MNAT1: variants seen among roughly 807,000 people sequenced by gnomAD.
MNAT1 encodes the protein MNAT1 component of CDK activating kinase.
MNAT1 carries 43 observed loss-of-function variants against 42.0 expected under a neutral mutation model. That is an observed-to-expected ratio of 1.02 (90% CI 0.80 to 1.32). MNAT1 has a LOEUF of 1.32. Ranked by LOEUF, MNAT1 falls within the 40% of genes most tolerant of loss-of-function variation. The probability of loss-of-function intolerance (pLI) is 0.00; values close to 1 mark genes in which losing one functional copy is unlikely to be tolerated. For missense variants in MNAT1, 306 were observed against 350.4 expected, an observed-to-expected ratio of 0.87 and a Z score of 1.01; for synonymous variants, 118 against 120.0, an observed-to-expected ratio of 0.98 and a Z score of 0.11.
chr14:60,737,551 T>C (rs1329155044), intron 1 of MNAT1, among the ~76,000 whole-genome samples: 4 of 152,128 alleles, frequency 2.6e-5, no homozygotes, highest in Non-Finnish European at 5.9e-5. Flanking sequence ...AATATTTAAT[T>C]ATCCAGTTTT....
chr14:60,754,901 GA>G (rs2030270252), intron 1 of MNAT1, among the ~76,000 whole-genome samples: 1 of 152,150 alleles, frequency 6.6e-6, no homozygotes, highest in Admixed American at 6.5e-5. Context: ...AGCAATTTGA[GA>G]AACTAATTCT....
chr14:60,812,954 A>G (rs1288065113), intron 5 of MNAT1, among the ~76,000 whole-genome samples: 1 of 152,208 alleles, frequency 6.6e-6, no homozygotes, highest in Non-Finnish European at 1.5e-5. Context: ...GTGGGTACCC[A>G]GAAAGGCTGT....
intron 1 of MNAT1, among the ~76,000 whole-genome samples, chr14:60,747,561 C>T (rs1047222063): frequency 6.6e-6 from 1 of 152,026 alleles, no homozygotes; most frequent in East Asian, 1.9e-4. Context: ...AAAAATGATA[C>T]GCCTATATAG....
rs576892305 is a variant in MNAT1 at position 60,735,521 on chromosome 14, A to G, written c.89+570A>G. 2.0e-5 allele frequency among the ~76,000 whole-genome samples: 3 copies of G among 152,312 alleles called. No individual in the cohort carries two copies. The South Asian group carries it at 6.2e-4, about 32-fold the overall frequency. ...AATAATGGCTGGCATTTGAGTGCAC[A>G]TTTTGTGCCAGACAGTGTTCTAAGC... is the stretch of plus-strand genomic sequence containing the variant. On this transcript the variant is annotated intron_variant, in intron 1 of 7. Coordinates refer to ENST00000261245, the MANE Select transcript of MNAT1 (RefSeq NM_002431.4).
chr14:60,734,966 A>T lies in MNAT1; in HGVS notation c.89+15A>T. On this transcript the variant is annotated intron_variant, in intron 1 of 7. Coordinates refer to ENST00000261245, the MANE Select transcript of MNAT1 (RefSeq NM_002431.4). The surrounding 1 kb of genome is among the most constrained non-coding windows in gnomAD (Gnocchi z 4.3). ...GGACACACTCTGTGAGTTGGGCGGC[A>T]GTGGATTCCCTGGGGGAGAGACGCG... The T allele has an allele frequency of 6.2e-7, 1 of 1,613,614 alleles. No individual in the cohort carries two copies. The highest frequency in any genetic ancestry group is 1.3e-5 in the African/African-American group (1 of 75,056).
intron 7 of MNAT1, among the ~76,000 whole-genome samples, chr14:60,891,004 G>A (rs1192360784): frequency 6.6e-6 from 1 of 152,146 alleles, no homozygotes; most frequent in African/African-American, 2.4e-5. Context: ...CACTTTTTTA[G>A]AAACATTTGA....
chr14:60,946,843 T>C (rs2036285957), intron 7 of MNAT1, among the ~76,000 whole-genome samples: 1 of 152,246 alleles, frequency 6.6e-6, no homozygotes. Flanking sequence ...TATAACCAAA[T>C]ACCACACACT....
chr14:60,791,562 A>G (rs1413633051), intron 1 of MNAT1, among the ~76,000 whole-genome samples: 1 of 152,186 alleles, frequency 6.6e-6, no homozygotes, highest in Non-Finnish European at 1.5e-5. Context: ...CAAATATTCC[A>G]AAGTTTAAAT....
intron 1 of MNAT1, among the ~76,000 whole-genome samples, chr14:60,738,329 C>T (rs1198995631): frequency 3.4e-5 from 5 of 148,238 alleles, no homozygotes; most frequent in East Asian, 2.0e-4. Flanking sequence ...GATCTAGGCT[C>T]ACTGCAACCT....
At chr14:60,741,808 C>T (rs1245301045) in intron 1 of MNAT1, among the ~76,000 whole-genome samples, 1 of 151,784 alleles carries the variant, frequency 6.6e-6, no homozygotes, top group Non-Finnish European at 1.5e-5. Flanking sequence ...GTACCTGGCC[C>T]CCATCCATTT....
At position 60,929,166 on chromosome 14, in the gene MNAT1, AAAAAATATATATAT is replaced by A. The variant is rs1334151031; in HGVS notation, c.810-39061_810-39048del. ...CATCTCCCAAAAAAAAAAAAAAAAA[AAAAAATATATATAT>A]ATATATATATATATGTATATTTATA... On this transcript the variant is annotated intron_variant, in intron 7 of 7. Transcript: ENST00000261245. Among the ~76,000 whole-genome samples, 5 of 106,670 alleles carry A rather than the reference AAAAAATATATATAT, an allele frequency of 4.7e-5. No individual in the cohort carries two copies. In the East Asian group the frequency reaches 6.9e-4, roughly 15 times the overall value. 70.0% of individuals were successfully genotyped at this position (106,670 alleles called of 152,430 possible).
At chr14:60,859,387 A>G (rs944122998) in intron 6 of MNAT1, among the ~76,000 whole-genome samples, 5 of 152,236 alleles carry the variant, frequency 3.3e-5, no homozygotes, top group Admixed American at 1.3e-4. Context: ...AGACATTCAC[A>G]TTACCCAGGT....
intron 1 of MNAT1, among the ~76,000 whole-genome samples, chr14:60,746,923 T>C (rs867314419): frequency 9.3e-4 from 24 of 25,812 alleles, no homozygotes; most frequent in South Asian, 6.1e-3. Context: ...TATATATATA[T>C]ACACACACAC....
intron 7 of MNAT1, among the ~76,000 whole-genome samples, chr14:60,885,039 A>T (rs563207656): frequency 6.6e-6 from 1 of 152,048 alleles, no homozygotes; most frequent in South Asian, 2.1e-4. Context: ...TCCACTGAAG[A>T]GTTCGCTGCC....
chr14:60,813,428 C>T (rs1297134718), intron 5 of MNAT1, among the ~76,000 whole-genome samples: 1 of 152,196 alleles, frequency 6.6e-6, no homozygotes, highest in Non-Finnish European at 1.5e-5. Context: ...GCATCAATTT[C>T]TGTAACAGTG....
chr14:60,754,081 C>G (rs949178099), intron 1 of MNAT1: 6 of 152,190 alleles, frequency 3.9e-5, no homozygotes, highest in Admixed American at 3.3e-4. Flanking sequence ...AGTCTTCAGT[C>G]CCAGTCCTGT....
chr14:60,852,954 T>G (rs1443878462), intron 6 of MNAT1, among the ~76,000 whole-genome samples: 1 of 152,204 alleles, frequency 6.6e-6, no homozygotes, highest in Non-Finnish European at 1.5e-5. Flanking sequence ...TGTAGCCTTG[T>G]AGTATAGTTT....
intron 7 of MNAT1, among the ~76,000 whole-genome samples, chr14:60,945,396 A>T (rs529192629): frequency 6.6e-6 from 1 of 152,146 alleles, no homozygotes; most frequent in East Asian, 1.9e-4. Flanking sequence ...AATTCTAACT[A>T]TCTATTTTCT....
At chr14:60,914,849 T>C (rs1277299238) in intron 7 of MNAT1, among the ~76,000 whole-genome samples, 1 of 152,202 alleles carries the variant, frequency 6.6e-6, no homozygotes, top group African/African-American at 2.4e-5. Flanking sequence ...GGCTATACTT[T>C]GGGAGAGCAG....
Sources: allele counts gnomAD v4.1 joint callset (sites outside exome capture counted in the v4.1 genomes callset), GRCh38; gene constraint gnomAD v4.1.1; non-coding constraint Gnocchi (gnomAD v3.1); transcripts MANE v1.5; gene names NCBI Gene and HGNC (gene_info 2026-07-23, HGNC 2026-07-21).